The following SAMD5 variants were observed in gnomAD, a reference collection of about 807,000 sequenced individuals.
SAMD5 encodes the protein sterile alpha motif domain containing 5.
A neutral mutation model predicts 11.3 loss-of-function variants in SAMD5; 13 were observed. That is an observed-to-expected ratio of 1.15 (90% CI 0.75 to 1.83). SAMD5 has a LOEUF of 1.83. SAMD5 is among the 40% of genes most tolerant of loss of function. The probability of loss-of-function intolerance (pLI) is 0.00; values close to 1 mark genes in which losing one functional copy is unlikely to be tolerated. For missense variants in SAMD5, 255 were observed against 239.1 expected, an observed-to-expected ratio of 1.07 and a Z score of -0.44; for synonymous variants, 129 against 111.3, an observed-to-expected ratio of 1.16 and a Z score of -1.00.
intron 1 of SAMD5, among the ~76,000 whole-genome samples, chr6:147,702,225 G>A (rs779181537): frequency 2.5e-4 from 38 of 152,162 alleles, no homozygotes; most frequent in Admixed American, 2.4e-3. Flanking sequence ...GCATGGGAAA[G>A]ACCCGCCCCC....
the SAMD5 span, among the ~76,000 whole-genome samples, chr6:147,934,595 G>A: frequency 6.6e-6 from 1 of 152,056 alleles, no homozygotes; most frequent in South Asian, 2.1e-4. Flanking sequence ...TGCAGGGGAG[G>A]ACTGATGGGA....
chr6:147,691,968 G>C (rs570174179), intron 1 of SAMD5, among the ~76,000 whole-genome samples: 1 of 101,490 alleles, frequency 9.9e-6, no homozygotes, highest in Non-Finnish European at 2.1e-5. Context: ...TAAGTAGGAT[G>C]TATGTGACAC....
the SAMD5 span, among the ~76,000 whole-genome samples, chr6:147,826,930 C>T: frequency 1.3e-5 from 2 of 152,120 alleles, no homozygotes; most frequent in Non-Finnish European, 2.9e-5. Context: ...TCAGAGGCTG[C>T]TCACGTCCTA....
intron 1 of SAMD5, among the ~76,000 whole-genome samples, chr6:147,718,308 C>G (rs894227685): frequency 1.3e-5 from 2 of 152,064 alleles, no homozygotes; most frequent in African/African-American, 2.4e-5. Flanking sequence ...ATGGAAAAAC[C>G]GCCTAAATCA....
At chr6:147,648,366 T>C (rs993183107) in intron 1 of SAMD5, among the ~76,000 whole-genome samples, 13 of 152,156 alleles carry the variant, frequency 8.5e-5, no homozygotes, top group Admixed American at 6.5e-5. Context: ...GAGAACAGCA[T>C]GTGGGAAACT....
At position 147,564,390 on chromosome 6, in the gene SAMD5, A is replaced by G. The variant is rs200537066; in HGVS notation, c.460-4A>G. On this transcript the variant is annotated splice_polypyrimidine_tract_variant and splice_region_variant and intron_variant, in intron 1 of 1. Transcript: ENST00000367474. ...CAATAACCCAGATATGTTCAAATCC[A>G]CAGGTCCCAATGGCTGGCATCCTAG... The G allele has an allele frequency of 5.1e-6, 4 of 780,822 alleles. No individual in the cohort carries two copies. The highest frequency in any genetic ancestry group is 5.1e-5 in the African/African-American group (3 of 59,254). The allele number at this position is 780,822 out of a possible 1,614,324, so 48.4% of individuals were successfully genotyped here.
intron 1 of SAMD5, among the ~76,000 whole-genome samples, chr6:147,656,356 C>G (rs1257504478): frequency 3.3e-5 from 5 of 152,016 alleles, no homozygotes; most frequent in African/African-American, 4.8e-5. Flanking sequence ...AAAACTTTTG[C>G]AAGTCAAAAG....
chr6:147,816,303 T>TATATAA, the SAMD5 span, among the ~76,000 whole-genome samples: 1 of 59,642 alleles, frequency 1.7e-5, no homozygotes, highest in African/African-American at 1.1e-4. Flanking sequence ...AAAAAAAAAA[T>TATATAA]ATATATATAT....
At chr6:147,652,779 C>T (rs2128453539) in intron 1 of SAMD5, among the ~76,000 whole-genome samples, 1 of 152,200 alleles carries the variant, frequency 6.6e-6, no homozygotes, top group East Asian at 1.9e-4. Flanking sequence ...TTTTCTTATC[C>T]CATATGATGT....
chr6:147,677,741 G>A (rs1487385974), intron 1 of SAMD5, among the ~76,000 whole-genome samples: 1 of 152,072 alleles, frequency 6.6e-6, no homozygotes, highest in Non-Finnish European at 1.5e-5. Context: ...ACTGTAAAGG[G>A]ATGGGGAGGT....
chr6:147,617,488 C>A (rs1184197379), intron 1 of SAMD5, among the ~76,000 whole-genome samples: 1 of 152,228 alleles, frequency 6.6e-6, no homozygotes, highest in East Asian at 1.9e-4. Context: ...ATGTGGCATA[C>A]TCTTGAATCT....
At chr6:147,794,883 G>A in the SAMD5 span, among the ~76,000 whole-genome samples, 4 of 151,498 alleles carry the variant, frequency 2.6e-5, no homozygotes, top group Admixed American at 2.0e-4. Context: ...TTTGACGGCG[G>A]TGAAGAGGGA....
At chr6:147,864,435 T>C in the SAMD5 span, among the ~76,000 whole-genome samples, 1 of 152,232 alleles carries the variant, frequency 6.6e-6, no homozygotes, top group South Asian at 2.1e-4. Flanking sequence ...GACCATCTTG[T>C]GCTACGTCTC....
intron 1 of SAMD5, among the ~76,000 whole-genome samples, chr6:147,731,026 C>T (rs1050289580): frequency 1.3e-5 from 2 of 152,118 alleles, no homozygotes; most frequent in African/African-American, 4.8e-5. Flanking sequence ...AAGTAGCAGG[C>T]GTGGCTCTTC....
At chr6:147,859,841 G>T in the SAMD5 span, among the ~76,000 whole-genome samples, 4 of 151,904 alleles carry the variant, frequency 2.6e-5, no homozygotes, top group African/African-American at 9.7e-5. Context: ...TGGAATTTAG[G>T]GCAATTACCT....
At chr6:147,900,727 TC>T in the SAMD5 span, among the ~76,000 whole-genome samples, 11 of 152,132 alleles carry the variant, frequency 7.2e-5, no homozygotes, top group Non-Finnish European at 1.2e-4. Context: ...CAGCAGGCCA[TC>T]CTATTGCTGG....
At position 147,640,694 on chromosome 6, in the gene SAMD5, A is replaced by G. The variant is rs140689175; in HGVS notation, c.163-96623A>G. Among the ~76,000 whole-genome samples the G allele has an allele frequency of 1.5e-3, 221 of 152,198 alleles. 1 individual carries two copies. Among genetic ancestry groups the G allele is most frequent in the African/African-American group, 5.2e-3 (215 of 41,540 alleles). Reference sequence around the variant, plus strand: ...TCCCATCCCATTTAAAACAGGTTCAATGGGAAGCATCATTATTAAAATAAA... The same window carrying G: ...TCCCATCCCATTTAAAACAGGTTCAGTGGGAAGCATCATTATTAAAATAAA... On this transcript the variant is annotated intron_variant, in intron 1 of 1. Coordinates refer to the SAMD5 transcript ENST00000566741.
At chr6:147,718,887 C>T (rs1274126845) in intron 1 of SAMD5, among the ~76,000 whole-genome samples, 1 of 152,124 alleles carries the variant, frequency 6.6e-6, no homozygotes, top group East Asian at 1.9e-4. Flanking sequence ...GATGGGGTTT[C>T]ACCATGTTGG....
chr6:147,625,516 G>A (rs1347371884), intron 1 of SAMD5, among the ~76,000 whole-genome samples: 1 of 152,294 alleles, frequency 6.6e-6, no homozygotes, highest in Non-Finnish European at 1.5e-5. Flanking sequence ...ACTTGGAGTT[G>A]CAATTCTTTT....
Sources: allele counts gnomAD v4.1 joint callset (sites outside exome capture counted in the v4.1 genomes callset), GRCh38; gene constraint gnomAD v4.1.1; transcripts MANE v1.5; gene names NCBI Gene and HGNC (gene_info 2026-07-23, HGNC 2026-07-21).